KCND3: variants seen among roughly 807,000 people sequenced by gnomAD.
KCND3 encodes potassium voltage-gated channel subfamily D member 3.
KCND3 carries 9 observed loss-of-function variants against 51.1 expected under a neutral mutation model. The ratio of observed to expected loss-of-function variants is 0.18; its 90% CI spans 0.11 to 0.31. The LOEUF (loss-of-function observed/expected upper bound fraction) is 0.31. Ranked by LOEUF, KCND3 falls within the 10% of genes least tolerant of loss-of-function variation. KCND3 has a pLI of 1.00. For synonymous variants in KCND3, 349 were observed against 368.0 expected (o/e 0.95, Z 0.59); for missense variants, 526 against 903.8 (o/e 0.58, Z 5.36).
At chr1:111,985,123 G>A (rs1675196473) in intron 1 of KCND3, among the ~76,000 whole-genome samples, 1 of 152,150 alleles carries the variant, frequency 6.6e-6, no homozygotes, top group African/African-American at 2.4e-5. Context: ...CATAGATAAG[G>A]AAAGCTAAAG....
At chr1:111,970,697 T>G (rs1000733926) in intron 2 of KCND3, among the ~76,000 whole-genome samples, 1 of 152,242 alleles carries the variant, frequency 6.6e-6, no homozygotes, top group Non-Finnish European at 1.5e-5. Context: ...CTAAACCCAG[T>G]AATGCTACTA....
At position 111,870,347 on chromosome 1, in the gene KCND3, G is replaced by A. The variant is rs559332184; in HGVS notation, c.1107-83241C>T. The stretch of plus-strand genomic sequence containing the variant: ...GGCATTAGGGGGCAATTGCAGTGCA[G>A]AAGGAAGGGAGGTGGGGACTTCTCA... On this transcript the variant is annotated intron_variant, in intron 2 of 7. Transcript: ENST00000302127. 7.9e-5 allele frequency among the ~76,000 whole-genome samples: 12 copies of A among 152,330 alleles called. No homozygotes were observed. The South Asian group carries it at 2.5e-3, about 32-fold the overall frequency.
chr1:111,861,691 G>A (rs1253454146), intron 2 of KCND3, among the ~76,000 whole-genome samples: 3 of 152,218 alleles, frequency 2.0e-5, no homozygotes, highest in South Asian at 2.1e-4. Context: ...CAGAGCAGGG[G>A]TGGAGGTGCA....
At chr1:111,870,607 C>G (rs570276067) in intron 2 of KCND3, among the ~76,000 whole-genome samples, 37 of 152,114 alleles carry the variant, frequency 2.4e-4, no homozygotes, top group South Asian at 4.1e-4. Flanking sequence ...GAGCTTTGAT[C>G]TGTGCAGAGG....
At chr1:111,808,102 T>C (rs1242393865) in intron 2 of KCND3, among the ~76,000 whole-genome samples, 1 of 152,208 alleles carries the variant, frequency 6.6e-6, no homozygotes, top group Non-Finnish European at 1.5e-5. Flanking sequence ...CACTGTAGAT[T>C]AGAAGGAATT....
chr1:111,877,969 T>A (rs1669125897), intron 2 of KCND3, among the ~76,000 whole-genome samples: 1 of 152,162 alleles, frequency 6.6e-6, no homozygotes, highest in Non-Finnish European at 1.5e-5. Context: ...ACTCATCTAA[T>A]CATCACAAGA....
intron 2 of KCND3, among the ~76,000 whole-genome samples, chr1:111,847,821 A>G (rs969099714): frequency 1.3e-5 from 2 of 152,214 alleles, no homozygotes; most frequent in African/African-American, 4.8e-5. Flanking sequence ...CTGGAACTGC[A>G]GGCAGGATCC....
chr1:111,793,276 T>C (rs1557940167), intron 2 of KCND3, among the ~76,000 whole-genome samples: 1 of 151,320 alleles, frequency 6.6e-6, no homozygotes, highest in South Asian at 2.1e-4. Context: ...CCTGGGTTCA[T>C]GCCATTCTCC....
chr1:111,934,862 C>A (rs796374361), intron 2 of KCND3, among the ~76,000 whole-genome samples: 6 of 152,228 alleles, frequency 3.9e-5, no homozygotes, highest in African/African-American at 1.4e-4. Flanking sequence ...CTAATAGTAT[C>A]TAAGTCATGT....
At chr1:111,894,121 C>T (rs998280379) in intron 2 of KCND3, among the ~76,000 whole-genome samples, 1 of 152,212 alleles carries the variant, frequency 6.6e-6, no homozygotes, top group South Asian at 2.1e-4. Context: ...GCTAAATCTT[C>T]CCCAGCCTAT....
intron 2 of KCND3, among the ~76,000 whole-genome samples, chr1:111,943,079 C>T (rs142658487): frequency 5.9e-5 from 9 of 151,980 alleles, no homozygotes; most frequent in Admixed American, 3.3e-4. Flanking sequence ...GCAAACTGTC[C>T]GGGAGAAGGG....
chr1:111,974,295 C>G (rs1207682126), intron 2 of KCND3, among the ~76,000 whole-genome samples: 2 of 152,020 alleles, frequency 1.3e-5, no homozygotes, highest in Non-Finnish European at 2.9e-5. Flanking sequence ...CTGCTTGTCA[C>G]TAGAAGTTGG....
intron 2 of KCND3, among the ~76,000 whole-genome samples, chr1:111,978,012 A>AG (rs1674736903): frequency 6.6e-6 from 1 of 152,218 alleles, no homozygotes; most frequent in South Asian, 2.1e-4. Context: ...ACCTGGGCAA[A>AG]GCATAAAGGG....
At chr1:111,913,534 A>C (rs12077670) in intron 2 of KCND3, among the ~76,000 whole-genome samples, 6,181 of 152,322 alleles carry the variant, frequency 0.041, 416 homozygotes, top group African/African-American at 0.14. Flanking sequence ...ACTCTATACC[A>C]GAACAAAGTC....
At chr1:111,979,316 G>A (rs533328899) in intron 2 of KCND3, among the ~76,000 whole-genome samples, 7 of 152,248 alleles carry the variant, frequency 4.6e-5, no homozygotes, top group African/African-American at 9.6e-5. Context: ...AGAAGTCAGC[G>A]GTTTCCCCAG....
At chr1:111,783,199 CAAAAAAAAAA>C (rs67241053) in intron 3 of KCND3, among the ~76,000 whole-genome samples, 1 of 72,338 alleles carries the variant, frequency 1.4e-5, no homozygotes, top group African/African-American at 4.4e-5. Context: ...AATTCAAAGA[CAAAAAAAAAA>C]AAAAAAAAAA....
At chr1:111,928,538 T>C (rs778881384) in intron 2 of KCND3, among the ~76,000 whole-genome samples, 6 of 152,164 alleles carry the variant, frequency 3.9e-5, no homozygotes, top group Non-Finnish European at 7.3e-5. Context: ...ACGCAATTGG[T>C]GTGGAGACAA....
At chr1:111,895,206 G>A (rs1670047084) in intron 2 of KCND3, among the ~76,000 whole-genome samples, 1 of 151,452 alleles carries the variant, frequency 6.6e-6, no homozygotes, top group Non-Finnish European at 1.5e-5. Flanking sequence ...GAGGAGGCAG[G>A]GTGAGGACGG....
chr1:111,907,292 C>T (rs760539970), intron 2 of KCND3, among the ~76,000 whole-genome samples: 25 of 152,232 alleles, frequency 1.6e-4, no homozygotes, highest in Non-Finnish European at 3.2e-4. Context: ...GGGGAAGACT[C>T]TCAGACCATA....
Sources: allele counts gnomAD v4.1 joint callset (sites outside exome capture counted in the v4.1 genomes callset), GRCh38; gene constraint gnomAD v4.1.1; transcripts MANE v1.5; gene names NCBI Gene and HGNC (gene_info 2026-07-23, HGNC 2026-07-21).